Variants in SLC14A2 observed in about 807,000 individuals in gnomAD.
The protein encoded by SLC14A2 is solute carrier family 14 member 2, also known as urea transporter 2.
In SLC14A2, 91 loss-of-function variants were observed where a neutral mutation model predicts 104.6. That is an observed-to-expected ratio of 0.87 (90% confidence interval 0.73 to 1.04). SLC14A2 has a LOEUF of 1.04. Among genes scored for constraint, SLC14A2 ranks in the 50% least tolerant of loss-of-function variants. The pLI, the probability that SLC14A2 is intolerant of heterozygous loss-of-function variation, is 0.00. For missense variants in SLC14A2, 1,189 were observed against 1,156.0 expected (o/e 1.03, Z -0.41); for synonymous variants, 476 against 466.4 (o/e 1.02, Z -0.27).
At chr18:45,455,818 C>T (rs1023197863) in intron 1 of SLC14A2, among the ~76,000 whole-genome samples, 56 of 151,902 alleles carry the variant, frequency 3.7e-4, no homozygotes, top group African/African-American at 1.1e-3. Flanking sequence ...GATACATTTA[C>T]GTATATTAGA....
chr18:45,342,387 C>T (rs2085404964), intron 1 of SLC14A2, among the ~76,000 whole-genome samples: 1 of 152,076 alleles, frequency 6.6e-6, no homozygotes, highest in South Asian at 2.1e-4. Context: ...AGGGGGATTC[C>T]TTTGAAAGAA....
Position 45,683,576 on chromosome 18 carries a change from G to T in SLC14A2, c.*1057G>T, listed in dbSNP as rs541513629. The T allele has an allele frequency of 2.6e-5, 4 of 152,276 alleles. No homozygotes were observed. Among genetic ancestry groups the T allele is most frequent in the African/African-American group, 9.6e-5 (4 of 41,548 alleles). The allele number at this position is 152,276 out of a possible 1,614,324, so 9.4% of individuals were successfully genotyped here. ...CCTTTACATTACAGAAATATTTCTG[G>T]AAGTGTCAGATGAAAACTGATCTTT... On this transcript the variant is annotated 3_prime_UTR_variant, in exon 20 of 20. Transcript: ENST00000255226.
intron 1 of SLC14A2, among the ~76,000 whole-genome samples, chr18:45,396,936 C>T (rs2086040312): frequency 6.6e-6 from 1 of 152,066 alleles, no homozygotes; most frequent in Admixed American, 6.5e-5. Flanking sequence ...TCTGTTCCTG[C>T]CTTAGTTTGC....
chr18:45,278,207 T>C (rs1310656763), intron 1 of SLC14A2, among the ~76,000 whole-genome samples: 1 of 152,212 alleles, frequency 6.6e-6, no homozygotes, highest in Admixed American at 6.5e-5. Context: ...TTTTCTGATA[T>C]TTATTCAGTG....
At chr18:45,523,493 CTTT>C (rs571753663) in intron 2 of SLC14A2, among the ~76,000 whole-genome samples, 2 of 119,074 alleles carry the variant, frequency 1.7e-5, no homozygotes, top group African/African-American at 3.3e-5. Context: ...CCACACCCAG[CTTT>C]TTTTTTTTTT....
At chr18:45,396,460 C>T (rs1334714067) in intron 1 of SLC14A2, among the ~76,000 whole-genome samples, 2 of 152,124 alleles carry the variant, frequency 1.3e-5, no homozygotes, top group African/African-American at 4.8e-5. Flanking sequence ...ACATTGCTCC[C>T]CCACTTGTCA....
chr18:45,594,075 A>G (rs72906328), intron 2 of SLC14A2, among the ~76,000 whole-genome samples: 12,179 of 152,204 alleles, frequency 0.08, 657 homozygotes, highest in Non-Finnish European at 0.12. Flanking sequence ...TAAAAATTTG[A>G]TTTGAATGAG....
At chr18:45,257,113 A>G (rs2084487210) in intron 1 of SLC14A2, among the ~76,000 whole-genome samples, 1 of 152,222 alleles carries the variant, frequency 6.6e-6, no homozygotes, top group East Asian at 1.9e-4. Flanking sequence ...GTTCTTCTGA[A>G]GGACCCATGT....
intron 1 of SLC14A2, among the ~76,000 whole-genome samples, chr18:45,234,385 T>C (rs549750904): frequency 6.6e-6 from 1 of 152,354 alleles, no homozygotes; most frequent in South Asian, 2.1e-4. Flanking sequence ...ATTGGGCATC[T>C]GTTAAGTCTT....
chr18:45,169,952 C>T, the SLC14A2 span, among the ~76,000 whole-genome samples: 1 of 152,102 alleles, frequency 6.6e-6, no homozygotes. Flanking sequence ...CTAAAAAGAA[C>T]TAAGTATCTC....
At chr18:45,490,951 T>C (rs1408601517) in intron 2 of SLC14A2, among the ~76,000 whole-genome samples, 21 of 152,168 alleles carry the variant, frequency 1.4e-4, no homozygotes, top group Admixed American at 1.3e-3. Context: ...CTGTCAAAAA[T>C]TGAAAGGTTC....
chr18:45,250,676 A>G (rs1350331276), intron 1 of SLC14A2, among the ~76,000 whole-genome samples: 1 of 150,948 alleles, frequency 6.6e-6, no homozygotes, highest in East Asian at 2.0e-4. Context: ...CCCGGGATTG[A>G]GAAAGACCCA....
chr18:45,258,318 A>T (rs2084501487), intron 1 of SLC14A2, among the ~76,000 whole-genome samples: 1 of 142,554 alleles, frequency 7.0e-6, no homozygotes, highest in African/African-American at 2.8e-5. Context: ...CCAGGAGCAC[A>T]GATGCCCAGA....
At chr18:45,405,316 G>C (rs970452706) in intron 1 of SLC14A2, among the ~76,000 whole-genome samples, 7 of 152,204 alleles carry the variant, frequency 4.6e-5, no homozygotes, top group African/African-American at 1.7e-4. Flanking sequence ...AGAGGTTCAA[G>C]TAGCAAAGGA....
At chr18:45,359,161 G>T (rs548398492) in intron 1 of SLC14A2, among the ~76,000 whole-genome samples, 2 of 152,134 alleles carry the variant, frequency 1.3e-5, no homozygotes, top group African/African-American at 4.8e-5. Context: ...GGTTCCATCC[G>T]GGATTCTTCC....
intron 1 of SLC14A2, among the ~76,000 whole-genome samples, chr18:45,327,983 G>A (rs1007294502): frequency 3.9e-5 from 6 of 152,118 alleles, no homozygotes; most frequent in African/African-American, 1.2e-4. Flanking sequence ...TGTTTGTATG[G>A]GGATAGCTGA....
chr18:45,190,612 T>A, the SLC14A2 span, among the ~76,000 whole-genome samples: 2 of 152,272 alleles, frequency 1.3e-5, no homozygotes, highest in South Asian at 4.1e-4. Context: ...CACTTCCTGG[T>A]TTGTAATAGA....
At chr18:45,452,923 T>C (rs1237988207) in intron 1 of SLC14A2, among the ~76,000 whole-genome samples, 3 of 152,356 alleles carry the variant, frequency 2.0e-5, no homozygotes, top group East Asian at 3.9e-4. Flanking sequence ...TTCTCCTTTG[T>C]AGTGCTCAGG....
intron 2 of SLC14A2, among the ~76,000 whole-genome samples, chr18:45,496,680 G>T (rs1421065577): frequency 1.3e-5 from 2 of 152,202 alleles, no homozygotes; most frequent in Admixed American, 1.3e-4. Context: ...CTACTGCAGA[G>T]GCTGAGGCAG....
Sources: allele counts gnomAD v4.1 joint callset (sites outside exome capture counted in the v4.1 genomes callset), GRCh38; gene constraint gnomAD v4.1.1; transcripts MANE v1.5; gene names NCBI Gene and HGNC (gene_info 2026-07-23, HGNC 2026-07-21).